Variants in CDH18 observed in about 807,000 individuals in gnomAD.
The protein encoded by CDH18 is cadherin-18.
CDH18 carries 31 observed loss-of-function variants against 67.9 expected under a neutral mutation model. The ratio of observed to expected loss-of-function variants is 0.46; its 90% confidence interval spans 0.34 to 0.62. The LOEUF (loss-of-function observed/expected upper bound fraction) is 0.62. CDH18 is among the 20% of genes least tolerant of loss of function. CDH18 has a pLI of 0.01. For missense variants in CDH18, 890 were observed against 975.5 expected, an observed-to-expected ratio of 0.91 and a Z score of 1.17; for synonymous variants, 362 against 347.2, an observed-to-expected ratio of 1.04 and a Z score of -0.48.
rs34059092 is a variant in CDH18 at position 19,744,503 on chromosome 5, T to TACACACACAC, written c.523+2429_523+2438dup. The stretch of plus-strand genomic sequence containing the variant: ...AATATCCATTTGTATTAACTCAGTG[T>TACACACACAC]ACACACACACACACACACACACACA... On this transcript the variant is annotated intron_variant, in intron 4 of 12. Coordinates refer to ENST00000382275, the MANE Select transcript of CDH18 (RefSeq NM_004934.5). Among the ~76,000 whole-genome samples, 311 of 146,354 alleles carry TACACACACAC rather than the reference T, an allele frequency of 2.1e-3. 4 individuals are homozygous for TACACACACAC. Among genetic ancestry groups the TACACACACAC allele is most frequent in the Non-Finnish European group, 2.7e-3 (176 of 66,098 alleles).
intron 1 of CDH18, among the ~76,000 whole-genome samples, chr5:19,983,627 T>C (rs1799277100): frequency 6.6e-6 from 1 of 152,190 alleles, no homozygotes; most frequent in African/African-American, 2.4e-5. Flanking sequence ...TAGAAATTTA[T>C]ATATCAGAAC....
At position 19,759,906 on chromosome 5, in the gene CDH18, C is replaced by T. The variant is rs561955418; in HGVS notation, c.229-12670G>A. 2.6e-5 allele frequency among the ~76,000 whole-genome samples: 4 copies of T among 152,164 alleles called. No individual in the cohort carries two copies. In the South Asian group the frequency reaches 8.3e-4, roughly 32 times the overall value. ...TCAAGTCTGGAAATGAATTGAGGGG[C>T]CATGATTCTATTTTTATAATTCAAA... On this transcript the variant is annotated intron_variant, in intron 3 of 12. Coordinates refer to ENST00000382275, the MANE Select transcript of CDH18 (RefSeq NM_004934.5).
At chr5:20,457,453 T>C (rs1453474105) in intron 1 of CDH18, among the ~76,000 whole-genome samples, 1 of 152,182 alleles carries the variant, frequency 6.6e-6, no homozygotes, top group Non-Finnish European at 1.5e-5. Context: ...GTCCTCATTT[T>C]ACAGATGAGC....
In CDH18 at chr5:20,389,534, C is replaced by A. The variant is rs148272104; in HGVS notation, c.-579-134029G>T. Among the ~76,000 whole-genome samples the A allele has an allele frequency of 1.8e-3, 268 of 152,104 alleles. 3 individuals are homozygous for A. The highest frequency in any genetic ancestry group is 6.0e-3 in the African/African-American group (249 of 41,494). On this transcript the variant is annotated intron_variant, in intron 1 of 14. Coordinates refer to the CDH18 transcript ENST00000507958. ...TTGCTGTCTGTGTCTTTAATTGGAG[C>A]ATTTAGCCCAGAAAATGGCCATACT... is the stretch of plus-strand genomic sequence containing the variant.
intron 2 of CDH18, among the ~76,000 whole-genome samples, chr5:19,853,500 C>A (rs995915117): frequency 6.6e-6 from 1 of 152,080 alleles, no homozygotes. Context: ...CATGTAAGGG[C>A]TTCCAAAAGC....
intron 1 of CDH18, among the ~76,000 whole-genome samples, chr5:20,540,511 C>A (rs964346127): frequency 6.6e-6 from 1 of 152,034 alleles, no homozygotes; most frequent in South Asian, 2.1e-4. Flanking sequence ...TCTGTGATAG[C>A]CAAACATGTT....
At chr5:19,542,571 T>G (rs1025815671) in intron 9 of CDH18, among the ~76,000 whole-genome samples, 1 of 152,166 alleles carries the variant, frequency 6.6e-6, no homozygotes, top group African/African-American at 2.4e-5. Flanking sequence ...TAGAATAATT[T>G]TGGCAATAAA....
intron 12 of CDH18, 60 bp from the exon 13 acceptor site, chr5:19,473,776 T>A (rs1471640059): frequency 1.5e-5 from 20 of 1,365,624 alleles, no homozygotes; most frequent in Non-Finnish European, 1.7e-5. Flanking sequence ...TTCTTAGAGA[T>A]TTTACAACAG....
chr5:20,043,653 A>G (rs1195632228), intron 2 of CDH18, among the ~76,000 whole-genome samples: 1 of 152,214 alleles, frequency 6.6e-6, no homozygotes, highest in African/African-American at 2.4e-5. Context: ...TCATGTTGCC[A>G]GGCCAGTTTT....
At chr5:20,490,805 C>A (rs1194222533) in intron 1 of CDH18, among the ~76,000 whole-genome samples, 1 of 152,122 alleles carries the variant, frequency 6.6e-6, no homozygotes, top group Non-Finnish European at 1.5e-5. Context: ...TCCTAAGGTT[C>A]ATGTAAATAA....
At chr5:20,572,059 T>C (rs748353483) in intron 1 of CDH18, among the ~76,000 whole-genome samples, 29 of 152,116 alleles carry the variant, frequency 1.9e-4, no homozygotes, top group Non-Finnish European at 3.5e-4. Context: ...GAAATACCCT[T>C]TCTTCCCGTA....
At chr5:20,245,501 C>T (rs1405573057) in intron 2 of CDH18, among the ~76,000 whole-genome samples, 3 of 152,004 alleles carry the variant, frequency 2.0e-5, no homozygotes, top group Non-Finnish European at 2.9e-5. Context: ...CCCACTTGAT[C>T]TAGATTGAGT....
chr5:20,052,488 A>G (rs1741519606), intron 2 of CDH18, among the ~76,000 whole-genome samples: 1 of 152,082 alleles, frequency 6.6e-6, no homozygotes, highest in African/African-American at 2.4e-5. Flanking sequence ...TATCAGAAAA[A>G]AGGTACATAA....
chr5:20,195,378 G>T (rs1232218788), intron 2 of CDH18, among the ~76,000 whole-genome samples: 1 of 151,780 alleles, frequency 6.6e-6, no homozygotes, highest in East Asian at 1.9e-4. Context: ...TATTACTTTT[G>T]TTCTCTCAGT....
chr5:19,682,215 G>C (rs1296509401), intron 5 of CDH18, among the ~76,000 whole-genome samples: 4 of 152,036 alleles, frequency 2.6e-5, no homozygotes, highest in Non-Finnish European at 5.9e-5. Flanking sequence ...GCACACTAGA[G>C]GGGGAAAGGA....
chr5:19,671,475 ATTAAG>A (rs1435793565), intron 5 of CDH18, among the ~76,000 whole-genome samples: 1 of 152,144 alleles, frequency 6.6e-6, no homozygotes, highest in African/African-American at 2.4e-5. Flanking sequence ...TACATTTGAT[ATTAAG>A]TTAATTGTGT....
intron 2 of CDH18, among the ~76,000 whole-genome samples, chr5:20,087,587 C>T (rs1341177538): frequency 6.6e-6 from 1 of 151,988 alleles, no homozygotes; most frequent in Non-Finnish European, 1.5e-5. Context: ...CAGCCATTAG[C>T]AACAAGGCAA....
At chr5:19,675,954 G>A (rs774685502) in intron 5 of CDH18, among the ~76,000 whole-genome samples, 2 of 151,430 alleles carry the variant, frequency 1.3e-5, no homozygotes, top group African/African-American at 2.4e-5. Context: ...CCCTCCATTC[G>A]GGGTCCCTGA....
At chr5:20,009,669 A>C (rs537065966) in intron 2 of CDH18, among the ~76,000 whole-genome samples, 1 of 152,290 alleles carries the variant, frequency 6.6e-6, no homozygotes, top group African/African-American at 2.4e-5. Flanking sequence ...AAAGAGGTTC[A>C]TGATAACAGG....
Sources: allele counts gnomAD v4.1 joint callset (sites outside exome capture counted in the v4.1 genomes callset), GRCh38; gene constraint gnomAD v4.1.1; transcripts MANE v1.5; gene names NCBI Gene and HGNC (gene_info 2026-07-23, HGNC 2026-07-21).